Variants in PDE3A observed in about 807,000 individuals in gnomAD.
PDE3A encodes the protein phosphodiesterase 3A, also known as cGMP-inhibited 3',5'-cyclic phosphodiesterase 3A.
PDE3A carries 43 observed loss-of-function variants against 98.3 expected under a neutral mutation model. The ratio of observed to expected loss-of-function variants is 0.44; its 90% confidence interval spans 0.34 to 0.56. PDE3A has a LOEUF of 0.56. Among genes scored for constraint, PDE3A ranks in the 20% least tolerant of loss-of-function variants. The probability of loss-of-function intolerance (pLI) is 0.01; values close to 1 mark genes in which losing one functional copy is unlikely to be tolerated. For missense variants in PDE3A, 1,427 were observed against 1,440.7 expected (o/e 0.99, Z 0.15); for synonymous variants, 663 against 567.9 (o/e 1.17, Z -2.38).
chr12:20,552,638 A>C lies in PDE3A; in HGVS notation c.961-4022A>C. 1.2e-6 allele frequency: 2 copies of C among 1,613,882 alleles called. No individual in the cohort carries two copies. Among genetic ancestry groups the C allele is most frequent in the Non-Finnish European group, 1.7e-6 (2 of 1,179,836 alleles). On this transcript the variant is annotated intron_variant, in intron 1 of 15. Coordinates refer to ENST00000359062, the MANE Select transcript of PDE3A (RefSeq NM_000921.5). The surrounding 1 kb of genome is among the most constrained non-coding windows in gnomAD (Gnocchi z 5.1). ...CCGCGCCGGACATCCAAGAAAACCA[A>C]GGTGGAGCCCTACAGTCTCACGGCC...
intron 1 of PDE3A, among the ~76,000 whole-genome samples, chr12:20,515,019 G>C (rs1165249128): frequency 2.0e-5 from 3 of 152,260 alleles, no homozygotes; most frequent in African/African-American, 7.2e-5. Flanking sequence ...ATCATCACAT[G>C]GCAGAAGGGC....
At position 20,378,906 on chromosome 12, in the gene PDE3A, C is replaced by T. The variant is rs535403839; in HGVS notation, c.960+8662C>T. Among the ~76,000 whole-genome samples, 10 of 151,652 alleles carry T rather than the reference C, an allele frequency of 6.6e-5. No homozygotes were observed. The East Asian group carries it at 1.2e-3, about 18-fold the overall frequency. On this transcript the variant is annotated intron_variant, in intron 1 of 15. Transcript: ENST00000359062. Reference sequence around the variant, plus strand: ...TCATTTTCTTTTTACCTAATAGAGTCTTCTCCCTCCGAATGTGTTTAAAAT... The same window carrying T: ...TCATTTTCTTTTTACCTAATAGAGTTTTCTCCCTCCGAATGTGTTTAAAAT...
intron 2 of PDE3A, among the ~76,000 whole-genome samples, chr12:20,567,764 T>A (rs1214773310): frequency 6.6e-6 from 1 of 151,974 alleles, no homozygotes; most frequent in Non-Finnish European, 1.5e-5. Context: ...TGACCAGGCT[T>A]TTCACTATGT....
At chr12:20,582,597 T>C (rs1943095502) in intron 2 of PDE3A, among the ~76,000 whole-genome samples, 1 of 152,270 alleles carries the variant, frequency 6.6e-6, no homozygotes, top group East Asian at 1.9e-4. Flanking sequence ...TAATTAAATT[T>C]AGAATGGTTT....
intron 4 of PDE3A, among the ~76,000 whole-genome samples, chr12:20,619,497 G>A (rs746082929): frequency 9.9e-5 from 15 of 151,802 alleles, no homozygotes; most frequent in Non-Finnish European, 1.9e-4. Flanking sequence ...CAAACATTTG[G>A]GCCACATATA....
At chr12:20,645,938 A>G (rs1944765761) in intron 10 of PDE3A, among the ~76,000 whole-genome samples, 1 of 152,238 alleles carries the variant, frequency 6.6e-6, no homozygotes, top group African/African-American at 2.4e-5. Context: ...ATCAGAGAAT[A>G]TAATTGATTG....
At chr12:20,467,663 A>G (rs12813829) in intron 1 of PDE3A, among the ~76,000 whole-genome samples, 2 of 152,068 alleles carry the variant, frequency 1.3e-5, no homozygotes, top group Non-Finnish European at 2.9e-5. Flanking sequence ...TGGGCCGGGC[A>G]CGGTGGCTCC....
chr12:20,663,888 A>C (rs1945242199), intron 15 of PDE3A, among the ~76,000 whole-genome samples: 1 of 152,106 alleles, frequency 6.6e-6, no homozygotes, highest in Non-Finnish European at 1.5e-5. Flanking sequence ...GGGGCAGAAT[A>C]ATATGATTTG....
At chr12:20,677,837 G>A (rs975728734) in intron 15 of PDE3A, among the ~76,000 whole-genome samples, 1 of 152,096 alleles carries the variant, frequency 6.6e-6, no homozygotes. Context: ...TTGGGTGCAG[G>A]CAGTAGCATA....
intron 1 of PDE3A, among the ~76,000 whole-genome samples, chr12:20,468,002 C>T (rs1591963072): frequency 1.0e-5 from 1 of 95,316 alleles, no homozygotes; most frequent in African/African-American, 3.8e-5. Context: ...TGGATGAGAA[C>T]GTTTCTTGAA....
intron 1 of PDE3A, among the ~76,000 whole-genome samples, chr12:20,547,416 C>T (rs1429784357): frequency 1.3e-5 from 2 of 152,132 alleles, no homozygotes; most frequent in African/African-American, 4.8e-5. Context: ...GTGCTTTGCA[C>T]ATAATATGCA....
chr12:20,621,878 G>A (rs11045337), intron 5 of PDE3A, among the ~76,000 whole-genome samples: 48,456 of 151,678 alleles, frequency 0.32, 7,816 homozygotes, highest in Admixed American at 0.38. Context: ...AAATGATATC[G>A]GGGAAGACTA....
intron 1 of PDE3A, among the ~76,000 whole-genome samples, chr12:20,446,131 T>C (rs1169941383): frequency 2.0e-5 from 3 of 152,182 alleles, no homozygotes; most frequent in Non-Finnish European, 4.4e-5. Flanking sequence ...AATGAAGCCC[T>C]TCCCATCCAA....
At chr12:20,427,987 C>T (rs1359811642) in intron 1 of PDE3A, among the ~76,000 whole-genome samples, 1 of 151,980 alleles carries the variant, frequency 6.6e-6, no homozygotes, top group Non-Finnish European at 1.5e-5. Flanking sequence ...GGGCGGATCA[C>T]GAGGTCAGGA....
At position 20,369,815 on chromosome 12, in the gene PDE3A, G is replaced by T. The variant is rs1943429455; in HGVS notation, c.531G>T (p.Gly177=). ...CCGGEALVQI[G]LGVGEDHLLS... is the part of the protein sequence containing the mutation. Reference sequence around the variant, plus strand: ...GGGGGGAAGCGCTCGTCCAGATTGGGCTGGGCGTCGGGGAGGATCACTTAC... The same window carrying T: ...GGGGGGAAGCGCTCGTCCAGATTGGTCTGGGCGTCGGGGAGGATCACTTAC... The change falls in exon 1 of 16, where the codon GGG becomes GGT. Residue 177 remains glycine (G), a synonymous_variant. Coordinates refer to ENST00000359062, the MANE Select transcript of PDE3A (RefSeq NM_000921.5). The T allele has an allele frequency of 1.2e-6, 2 of 1,612,074 alleles. No individual in the cohort carries two copies. The highest frequency in any genetic ancestry group is 1.1e-5 in the South Asian group (1 of 90,964).
intron 2 of PDE3A, among the ~76,000 whole-genome samples, chr12:20,594,807 T>G (rs1943425009): frequency 1.3e-5 from 2 of 152,276 alleles, no homozygotes; most frequent in South Asian, 4.1e-4. Flanking sequence ...TTACCGTGTT[T>G]GGCTGAACCT....
Position 20,683,400 on chromosome 12 carries a change from T to A in PDE3A, c.*3129T>A, listed in dbSNP as rs973215433. On this transcript the variant is annotated 3_prime_UTR_variant, in exon 16 of 16. Coordinates refer to ENST00000359062, the MANE Select transcript of PDE3A (RefSeq NM_000921.5). ...CAAATGAAAGAGTTTCTAGCCCACTTAGGGAAAAAGATAATTGTTTAGAAA... is the reference window on the plus strand; with the variant it reads ...CAAATGAAAGAGTTTCTAGCCCACTAAGGGAAAAAGATAATTGTTTAGAAA... 2 of 152,114 alleles carry A rather than the reference T, an allele frequency of 1.3e-5. No homozygotes were observed. The highest frequency in any genetic ancestry group is 4.8e-5 in the African/African-American group (2 of 41,436). 9.4% of individuals were successfully genotyped at this position (152,114 alleles called of 1,614,324 possible).
At chr12:20,470,573 T>C (rs1945419799) in intron 1 of PDE3A, among the ~76,000 whole-genome samples, 1 of 152,140 alleles carries the variant, frequency 6.6e-6, no homozygotes, top group Non-Finnish European at 1.5e-5. Flanking sequence ...TTTACAACAC[T>C]TTTCCACTTG....
At chr12:20,476,331 T>C (rs946722167) in intron 1 of PDE3A, among the ~76,000 whole-genome samples, 3 of 152,228 alleles carry the variant, frequency 2.0e-5, no homozygotes, top group African/African-American at 7.2e-5. Flanking sequence ...CAGATATTTA[T>C]GTTGTTCTAC....
Sources: gnomAD v4.1 joint callset for allele counts (sites outside exome capture counted in the v4.1 genomes callset) on GRCh38, gnomAD v4.1.1 for gene constraint, Gnocchi (gnomAD v3.1) non-coding constraint, MANE v1.5 for transcripts, NCBI Gene and HGNC (gene_info 2026-07-23, HGNC 2026-07-21) for gene names.